OS9: variants seen among roughly 807,000 people sequenced by gnomAD.
OS9 encodes the protein OS9 endoplasmic reticulum lectin.
In OS9, 58 loss-of-function variants were observed where a neutral mutation model predicts 84.7. That is an observed-to-expected ratio of 0.68 (90% CI 0.55 to 0.85). The LOEUF (loss-of-function observed/expected upper bound fraction) is 0.85, where lower values mean the gene tolerates loss of function less well. OS9 is among the 40% of genes least tolerant of loss of function. The pLI is 0.00. For synonymous variants in OS9, 278 were observed against 320.8 expected, an observed-to-expected ratio of 0.87 and a Z score of 1.43; for missense variants, 760 against 850.9, an observed-to-expected ratio of 0.89 and a Z score of 1.33.
rs771923233 is a variant in OS9, at chr12:57,694,896, C to A, written c.309C>A (p.Ser103Arg). ...YQGPGIPELL[S>R]PMRDAPCLLK... ...GGCCTGGGATCCCTGAGTTGTTGAG[C>A]CCAATGAGAGATGCTCCCTGCTTGC... Residue 103 changes from serine to arginine, a missense_variant, in exon 2 of 15, where the codon AGC becomes AGA. Physicochemically the swap from Ser to Arg is moderately radical, Grantham distance 110. Coordinates refer to ENST00000315970, the MANE Select transcript of OS9 (RefSeq NM_006812.4). 6.2e-7 allele frequency: 1 copy of A among 1,614,100 alleles called. No individual in the cohort carries two copies. The highest frequency in any genetic ancestry group is 8.5e-7 in the Non-Finnish European group (1 of 1,179,998).
chr12:57,718,410 A>G lies in OS9; in HGVS notation c.1399A>G (p.Ile467Val). 2 of 1,613,348 alleles carry G rather than the reference A, an allele frequency of 1.2e-6. No individual in the cohort carries two copies. The highest frequency in any genetic ancestry group is 1.7e-6 in the Non-Finnish European group (2 of 1,179,622). The change falls in exon 11 of 15, where the codon ATC becomes GTC. Residue 467 changes from isoleucine to valine, a missense_variant. Ile to Val is a conservative substitution (Grantham distance 29). Transcript: ENST00000315970. Reference protein sequence around the residue: ...KAGMERELENIIQETEKELDP... With the variant: ...KAGMERELENVIQETEKELDP... ...TGGCATGGAGCGGGAACTGGAAAAC[A>G]TCATCCAGGAGGCAAGCCCAGCTCT...
chr12:57,695,966 A>G lies in OS9; in HGVS notation c.408A>G (p.Ser136=), dbSNP rs1953817142. 6.2e-7 allele frequency: 1 copy of G among 1,612,320 alleles called. No homozygotes were observed. Among genetic ancestry groups the G allele is most frequent in the South Asian group, 1.1e-5 (1 of 91,054 alleles). Residue 136 remains serine (S), a synonymous_variant, in exon 4 of 15, where the codon TCA becomes TCG. Coordinates refer to ENST00000315970, the MANE Select transcript of OS9 (RefSeq NM_006812.4). The part of the protein sequence containing the change: ...RHIQQYHMED[S]EIKGEVLYLG... ...TCACTGTGGCTTCCCTTGCAGATTCAGAGATCAAAGGTGAAGTCCTCTATC... is the reference window on the plus strand; with the variant it reads ...TCACTGTGGCTTCCCTTGCAGATTCGGAGATCAAAGGTGAAGTCCTCTATC...
intron 1 of OS9, 98 bp downstream of exon 1, chr12:57,694,421 G>T: frequency 7.7e-7 from 1 of 1,303,596 alleles, no homozygotes; most frequent in Non-Finnish European, 1.1e-6. Context: ...TGGAGCCTAC[G>T]GGGAATCGGG....
chr12:57,716,091 G>A lies in OS9; in HGVS notation c.791-1G>A, dbSNP rs376602473. On this transcript the variant is annotated splice_acceptor_variant, in intron 6 of 14. Transcript: ENST00000315970. LOFTEE classifies it high-confidence loss of function. ...CCTGCTTGCATGCTGTTTCTCAGTA[G>A]ACTCAAAGCAGTATGGAGATAAAAT... 6.2e-7 allele frequency: 1 copy of A among 1,612,916 alleles called. No individual in the cohort carries two copies. Among genetic ancestry groups the A allele is most frequent in the South Asian group, 1.1e-5 (1 of 91,036 alleles).
chr12:57,708,956 T>C (rs78322225), intron 5 of OS9, among the ~76,000 whole-genome samples: 4,251 of 152,328 alleles, frequency 0.028, 155 homozygotes, highest in African/African-American at 0.083. Context: ...CGTGCCAACC[T>C]GGTATATTTT....
intron 5 of OS9, among the ~76,000 whole-genome samples, chr12:57,711,038 CAAAAAA>C (rs35365273): frequency 7.0e-5 from 5 of 71,914 alleles, no homozygotes; most frequent in Admixed American, 3.9e-4. Context: ...GACTCCGTCT[CAAAAAA>C]AAAAAAAAAA....
rs890262294 is a variant in OS9 at position 57,694,762 on chromosome 12, G to T, written c.175G>T (p.Asp59Tyr). 4 of 1,613,734 alleles carry T rather than the reference G, an allele frequency of 2.5e-6. No individual in the cohort carries two copies. Among genetic ancestry groups the T allele is most frequent in the East Asian group, 2.2e-5 (1 of 44,870 alleles). ...CCTTCTTTCCCAGAGCCAATCTTCGGACGTGGTGATTGTCTCCTCTAAGTA... is the reference window on the plus strand; with the variant it reads ...CCTTCTTTCCCAGAGCCAATCTTCGTACGTGGTGATTGTCTCCTCTAAGTA... Reference protein sequence around the residue: ...PVMGGQSQSSDVVIVSSKYKQ... With the variant: ...PVMGGQSQSSYVVIVSSKYKQ... Residue 59 changes from aspartate (D) to tyrosine (Y), a missense_variant, in exon 2 of 15, where the codon GAC (aspartate) becomes TAC (tyrosine). Coordinates refer to ENST00000315970, the MANE Select transcript of OS9 (RefSeq NM_006812.4).
rs755441886 is a variant in OS9, at chr12:57,717,886, G to A, written c.1062G>A (p.Val354=). 10 of 1,607,204 alleles carry A rather than the reference G, an allele frequency of 6.2e-6. No homozygotes were observed. In the African/African-American group the frequency reaches 6.7e-5, roughly 11 times the overall value. ...TCATCTCAGATTTTCAGAACAACGT[G>A]CAGGTCAAAGTCATTCGAAGCCCTG... The part of the protein sequence containing the change: ...SGAPNDFQNN[V]QVKVIRSPAD... The change falls in exon 10 of 15, where the codon GTG becomes GTA. Residue 354 remains valine (V), a synonymous_variant. Coordinates refer to ENST00000315970, the MANE Select transcript of OS9 (RefSeq NM_006812.4).
At position 57,694,176 on chromosome 12, in the gene OS9, G is replaced by A. The variant is rs1953750435; in HGVS notation, c.15G>A (p.Thr5=). 1.9e-6 allele frequency: 3 copies of A among 1,614,042 alleles called. No homozygotes were observed. Among genetic ancestry groups the A allele is most frequent in the African/African-American group, 1.3e-5 (1 of 74,926 alleles). Residue 5 remains threonine (T), a synonymous_variant, in exon 1 of 15, where the codon ACG becomes ACA. Transcript: ENST00000315970. ...GGGAACGAAAGATGGCGGCGGAAAC[G>A]CTGCTGTCCAGTTTGTTAGGACTGC... MAAE[T]LLSSLLGLLL... is the part of the protein sequence containing the mutation.
rs529376168 is a variant in OS9 at position 57,694,155 on chromosome 12, A to G, written c.-7A>G. ...ACAGATTCTCTGCATAAGAAGGGGA[A>G]CGAAAGATGGCGGCGGAAACGCTGC... is the stretch of plus-strand genomic sequence containing the variant. On this transcript the variant is annotated 5_prime_UTR_variant, in exon 1 of 15. Transcript: ENST00000315970. 4.4e-5 allele frequency: 71 copies of G among 1,614,122 alleles called. 1 individual carries two copies. In the East Asian group the frequency reaches 5.3e-4, roughly 12 times the overall value.
chr12:57,709,073 C>T (rs919384491), intron 5 of OS9, among the ~76,000 whole-genome samples: 1 of 152,094 alleles, frequency 6.6e-6, no homozygotes, highest in African/African-American at 2.4e-5. Flanking sequence ...TCTAATTTTC[C>T]TCATTTAAGG....
intron 9 of OS9, among the ~76,000 whole-genome samples, 154 bp from the exon 10 acceptor site, chr12:57,717,716 C>A (rs1954540406): frequency 6.9e-6 from 1 of 144,752 alleles, no homozygotes; most frequent in African/African-American, 2.6e-5. Flanking sequence ...TCTCTTGAAC[C>A]CGGGAGGCAG....
At chr12:57,705,099 A>T (rs1365641500) in intron 5 of OS9, among the ~76,000 whole-genome samples, 3 of 152,166 alleles carry the variant, frequency 2.0e-5, no homozygotes, top group Non-Finnish European at 4.4e-5. Flanking sequence ...CTTTTGTTCC[A>T]ATAGTCTATC....
intron 2 of OS9, chr12:57,695,227 C>T: frequency 2.3e-6 from 1 of 443,916 alleles, no homozygotes; most frequent in Non-Finnish European, 4.1e-6. Flanking sequence ...TCACCCCCTG[C>T]CCTATCACTC....
intron 8 of OS9, 47 bp from the exon 9 acceptor site, chr12:57,716,646 G>C (rs1954507713): frequency 6.3e-7 from 1 of 1,580,058 alleles, no homozygotes; most frequent in Non-Finnish European, 8.7e-7. Context: ...AGTATGGAGG[G>C]CATGAACAGG....
At position 57,718,188 on chromosome 12, in the gene OS9, G is replaced by T; in HGVS notation, c.1177G>T (p.Ala393Ser). The T allele has an allele frequency of 1.9e-6, 3 of 1,614,160 alleles. No homozygotes were observed. The highest frequency in any genetic ancestry group is 2.5e-6 in the Non-Finnish European group (3 of 1,180,026). ...CCAAGAGCAGCCTGTGGATGATGCT[G>T]CAGAAGTCCCTCAGAGGGAACCAGA... ...IGQEQPVDDA[A>S]EVPQREPEKE... Residue 393 changes from alanine (A) to serine (S), a missense_variant, in exon 11 of 15, where the codon GCA becomes TCA. By Grantham distance (99) the Ala-to-Ser change is moderately conservative (BLOSUM62 1). Coordinates refer to ENST00000315970, the MANE Select transcript of OS9 (RefSeq NM_006812.4).
intron 5 of OS9, among the ~76,000 whole-genome samples, chr12:57,696,711 G>A (rs1953858275): frequency 6.6e-6 from 1 of 152,026 alleles, no homozygotes; most frequent in Admixed American, 6.5e-5. Flanking sequence ...CAGGAGAATT[G>A]CTTGAACCTG....
chr12:57,707,764 T>C (rs562861823), intron 5 of OS9, among the ~76,000 whole-genome samples: 1 of 152,116 alleles, frequency 6.6e-6, no homozygotes, highest in East Asian at 1.9e-4. Flanking sequence ...TCTGATTTCT[T>C]TTTTTTCTAA....
At chr12:57,700,877 A>C (rs1311182745) in intron 5 of OS9, among the ~76,000 whole-genome samples, 1 of 152,192 alleles carries the variant, frequency 6.6e-6, no homozygotes, top group Non-Finnish European at 1.5e-5. Context: ...ATAAAGTAAG[A>C]TTCTAGAGAT....
Sources: gnomAD v4.1 joint callset for allele counts (sites outside exome capture counted in the v4.1 genomes callset) on GRCh38, gnomAD v4.1.1 for gene constraint, MANE v1.5 for transcripts, NCBI Gene and HGNC (gene_info 2026-07-23, HGNC 2026-07-21) for gene names.